The following CLIC5 variants were observed in gnomAD, a reference collection of about 807,000 sequenced individuals.
CLIC5 encodes chloride intracellular channel protein 5.
CLIC5 carries 20 observed loss-of-function variants against 24.7 expected under a neutral mutation model. That is an observed-to-expected ratio of 0.81 (90% CI 0.57 to 1.18). The LOEUF is 1.18. Among genes scored for constraint, CLIC5 ranks in the 50% most tolerant of loss-of-function variants. CLIC5 has a pLI of 0.00. For missense variants in CLIC5, 341 were observed against 326.1 expected, an observed-to-expected ratio of 1.05 and a Z score of -0.35; for synonymous variants, 159 against 135.6, an observed-to-expected ratio of 1.17 and a Z score of -1.20.
intron 6 of CLIC5, among the ~76,000 whole-genome samples, chr6:45,891,655 G>A (rs1037196577): frequency 1.5e-4 from 22 of 151,168 alleles, no homozygotes; most frequent in Non-Finnish European, 2.1e-4. Context: ...AAAAGAATGT[G>A]TATGTGCCAT....
At chr6:46,015,905 G>A, upstream of CLIC5, 4 of 1,016,256 alleles carry the variant, frequency 3.9e-6, no homozygotes, top group Non-Finnish European at 4.7e-6. Flanking sequence ...GCGGCTGCAG[G>A]GCGGGGTCAG....
In CLIC5 at chr6:45,939,818, G is replaced by GTT. The variant is rs773706517; in HGVS notation, c.406+1727_406+1728dup. On this transcript the variant is annotated intron_variant, in intron 4 of 5. Coordinates refer to ENST00000339561, the MANE Select transcript of CLIC5 (RefSeq NM_016929.5). ...ACCTTGCTCAGCTAATTAAAAACAA[G>GTT]TTTTTTTTTTTTTTGTAAAGACAGG... Among the ~76,000 whole-genome samples the GTT allele has an allele frequency of 9.3e-4, 133 of 143,386 alleles. 1 individual carries two copies. The highest frequency in any genetic ancestry group is 2.2e-3 in the African/African-American group (88 of 39,360). The allele number at this position is 143,386 out of a possible 152,430, so 94.1% of individuals were successfully genotyped here.
chr6:46,012,715 A>G (rs1187068444), intron 1 of CLIC5, among the ~76,000 whole-genome samples: 1 of 152,224 alleles, frequency 6.6e-6, no homozygotes, highest in Non-Finnish European at 1.5e-5. Flanking sequence ...CATTTTACCT[A>G]CTTTCTGTGA....
intron 1 of CLIC5, among the ~76,000 whole-genome samples, chr6:45,960,830 C>A (rs188029572): frequency 6.6e-6 from 1 of 152,186 alleles, no homozygotes; most frequent in Non-Finnish European, 1.5e-5. Flanking sequence ...GCTTGCTCAG[C>A]GACTCCAGAC....
At chr6:46,100,522 A>G in the CLIC5 span, among the ~76,000 whole-genome samples, 1 of 152,034 alleles carries the variant, frequency 6.6e-6, no homozygotes, top group African/African-American at 2.4e-5. Flanking sequence ...ATTTGCAAAC[A>G]CCCTCCCAGC....
rs540367721 is a variant in CLIC5, at chr6:46,015,419, C to G, written c.63+61G>C. Reference sequence around the variant, plus strand: ...TCCGGAGTCCAGCGCACCCCGAGCCCTGGTGGGTGAGCCCGGCGGGAGGCG... The same window carrying G: ...TCCGGAGTCCAGCGCACCCCGAGCCGTGGTGGGTGAGCCCGGCGGGAGGCG... On this transcript the variant is annotated intron_variant, in intron 1 of 5. Coordinates refer to ENST00000339561, the MANE Select transcript of CLIC5 (RefSeq NM_016929.5). 6.2e-6 allele frequency: 9 copies of G among 1,451,312 alleles called. No individual in the cohort carries two copies. In the Admixed American group the frequency reaches 1.8e-4, roughly 30 times the overall value. 89.9% of individuals were successfully genotyped at this position (1,451,312 alleles called of 1,614,324 possible).
chr6:45,972,448 TG>T (rs910354687), intron 1 of CLIC5, among the ~76,000 whole-genome samples: 33 of 152,294 alleles, frequency 2.2e-4, no homozygotes, highest in Admixed American at 2.0e-3. Context: ...AGGGTCCTCT[TG>T]TAAGTTTATC....
intron 1 of CLIC5, among the ~76,000 whole-genome samples, chr6:46,001,305 C>T (rs1265716211): frequency 6.6e-6 from 1 of 152,100 alleles, no homozygotes; most frequent in African/African-American, 2.4e-5. Context: ...TGGAATCTGC[C>T]CTAGCAACAG....
exon 1 of CLIC5, chr6:46,079,740 C>G (rs1301800917): frequency 6.4e-7 from 1 of 1,551,770 alleles, no homozygotes; most frequent in Non-Finnish European, 8.7e-7. Context: ...CATGTGAGCT[C>G]CCTCCTTTTC....
At chr6:45,887,257 TAG>T (rs1236180980) in intron 6 of CLIC5, among the ~76,000 whole-genome samples, 6 of 152,202 alleles carry the variant, frequency 3.9e-5, no homozygotes, top group African/African-American at 2.4e-5. Context: ...TTTTATAGGC[TAG>T]AAGTCCAAAA....
intron 1 of CLIC5, among the ~76,000 whole-genome samples, chr6:46,034,078 G>C (rs2127457243): frequency 6.6e-6 from 1 of 152,344 alleles, no homozygotes; most frequent in South Asian, 2.1e-4. Flanking sequence ...GCTTCTTCCT[G>C]TTACCAGTGT....
intron 3 of CLIC5, among the ~76,000 whole-genome samples, chr6:45,945,512 A>C (rs9349339): frequency 0.097 from 14,740 of 151,960 alleles, 1,314 homozygotes; most frequent in East Asian, 0.37. Flanking sequence ...TCCCTGAAGG[A>C]GCCTTGGAGG....
the CLIC5 span, among the ~76,000 whole-genome samples, chr6:46,127,536 A>T: frequency 2.0e-5 from 3 of 152,230 alleles, no homozygotes; most frequent in Non-Finnish European, 4.4e-5. Flanking sequence ...GCCTACCTAA[A>T]TAAAACAACA....
intron 1 of CLIC5, among the ~76,000 whole-genome samples, chr6:45,957,254 T>C (rs1189712927): frequency 1.3e-5 from 2 of 152,212 alleles, no homozygotes; most frequent in Non-Finnish European, 2.9e-5. Flanking sequence ...ATAATAATGT[T>C]AATAATAACA....
chr6:45,928,027 T>C (rs1390158216), intron 4 of CLIC5, among the ~76,000 whole-genome samples: 1 of 152,098 alleles, frequency 6.6e-6, no homozygotes, highest in Non-Finnish European at 1.5e-5. Flanking sequence ...GTGCCTGTCT[T>C]AACTCATGAG....
At chr6:46,081,076 T>C (rs921408798), upstream of CLIC5, among the ~76,000 whole-genome samples, 3 of 152,214 alleles carry the variant, frequency 2.0e-5, no homozygotes, top group Non-Finnish European at 4.4e-5. Flanking sequence ...GGCTTTTAAA[T>C]GTAGCTGGAG....
intron 1 of CLIC5, among the ~76,000 whole-genome samples, chr6:46,062,535 G>A (rs983515544): frequency 1.3e-5 from 2 of 152,238 alleles, no homozygotes; most frequent in African/African-American, 4.8e-5. Context: ...CGTGAAGGGA[G>A]GCAGAAGGGC....
At chr6:45,929,758 C>G (rs557394816) in intron 4 of CLIC5, among the ~76,000 whole-genome samples, 51 of 152,314 alleles carry the variant, frequency 3.3e-4, no homozygotes, top group African/African-American at 1.2e-3. Context: ...CAACTGTCCT[C>G]CAAAAGAACT....
chr6:45,891,545 G>T (rs896667925), intron 6 of CLIC5, among the ~76,000 whole-genome samples: 1 of 130,412 alleles, frequency 7.7e-6, no homozygotes, highest in African/African-American at 3.2e-5. Flanking sequence ...CTGAGGCAGG[G>T]GAATCGTTTG....
Sources: gnomAD v4.1 joint callset for allele counts (sites outside exome capture counted in the v4.1 genomes callset) on GRCh38, gnomAD v4.1.1 for gene constraint, MANE v1.5 for transcripts, NCBI Gene and HGNC (gene_info 2026-07-23, HGNC 2026-07-21) for gene names.